PCM1: variants seen among roughly 807,000 people sequenced by gnomAD.
PCM1 encodes pericentriolar material 1.
In PCM1, 157 loss-of-function variants were observed where a neutral mutation model predicts 241.9. That is an observed-to-expected ratio of 0.65 (90% confidence interval 0.57 to 0.74). The LOEUF is 0.74. PCM1 is among the 30% of genes least tolerant of loss of function. The probability of loss-of-function intolerance (pLI) is 0.00; values close to 1 mark genes in which losing one functional copy is unlikely to be tolerated. For synonymous variants in PCM1, 1,085 were observed against 784.9 expected, an observed-to-expected ratio of 1.38 and a Z score of -6.39; for missense variants, 3,478 against 2,360.1, an observed-to-expected ratio of 1.47 and a Z score of -9.81.
intron 13 of PCM1, among the ~76,000 whole-genome samples, chr8:17,958,682 A>G (rs1292532025): frequency 6.6e-6 from 1 of 151,974 alleles, no homozygotes; most frequent in African/African-American, 2.4e-5. Context: ...CTCAAGTAAA[A>G]GGTGAGCGTG....
Position 17,972,698 on chromosome 8 carries a change from A to T in PCM1, c.3943+11A>T. The T allele has an allele frequency of 6.8e-7, 1 of 1,459,996 alleles. No homozygotes were observed. The highest frequency in any genetic ancestry group is 2.4e-5 in the East Asian group (1 of 41,940). 90.4% of individuals were successfully genotyped at this position (1,459,996 alleles called of 1,614,324 possible). On this transcript the variant is annotated intron_variant, in intron 23 of 38. Transcript: ENST00000325083. ...GAGTTAAAAACATCAGTAAGTGTTGAAATTTGTTGAATGTTGATCAGTGTA... is the reference window on the plus strand; with the variant it reads ...GAGTTAAAAACATCAGTAAGTGTTGTAATTTGTTGAATGTTGATCAGTGTA...
intron 1 of PCM1, among the ~76,000 whole-genome samples, chr8:17,923,460 C>G (rs911737675): frequency 6.6e-6 from 1 of 152,204 alleles, no homozygotes; most frequent in African/African-American, 2.4e-5. Context: ...GCCCCTCCTG[C>G]TGGCCCTGTC....
intron 23 of PCM1, among the ~76,000 whole-genome samples, chr8:17,977,457 G>C (rs959426522): frequency 1.3e-5 from 2 of 152,182 alleles, no homozygotes; most frequent in African/African-American, 4.8e-5. Flanking sequence ...AAAATTATTT[G>C]TTGTTAGTAG....
intron 9 of PCM1, among the ~76,000 whole-genome samples, chr8:17,954,395 C>G (rs1385297800): frequency 6.7e-6 from 1 of 149,216 alleles, no homozygotes; most frequent in African/African-American, 2.5e-5. Flanking sequence ...CCATTGCACT[C>G]CAGCCTGGGC....
intron 35 of PCM1, 64 bp downstream of exon 35, chr8:18,014,100 A>AG: frequency 2.4e-6 from 2 of 828,754 alleles, no homozygotes; most frequent in Non-Finnish European, 3.8e-6. Context: ...AAAGCTAAAA[A>AG]AAAAAAAAAA....
chr8:18,010,738 T>A (rs1180858504), intron 32 of PCM1, 70 bp downstream of exon 32: 5 of 1,049,078 alleles, frequency 4.8e-6, no homozygotes, highest in East Asian at 2.7e-5. Context: ...ATCGCAGCCC[T>A]TTGGGAGGCC....
intron 13 of PCM1, 89 bp downstream of exon 13, chr8:17,957,864 T>A: frequency 3.5e-6 from 3 of 850,784 alleles, no homozygotes; most frequent in Non-Finnish European, 5.6e-6. Flanking sequence ...TTGGTTTAAT[T>A]ATACTAATAC....
intron 15 of PCM1, among the ~76,000 whole-genome samples, chr8:17,960,825 T>C (rs539755752): frequency 1.3e-5 from 2 of 152,172 alleles, no homozygotes; most frequent in South Asian, 2.1e-4. Flanking sequence ...CTCTTTTTTT[T>C]CTAGTATTAA....
intron 2 of PCM1, among the ~76,000 whole-genome samples, chr8:17,928,718 G>A (rs927946548): frequency 4.4e-5 from 6 of 137,836 alleles, no homozygotes; most frequent in African/African-American, 1.6e-4. Flanking sequence ...TGTAACCTCT[G>A]CCTCCCGGGT....
intron 36 of PCM1, among the ~76,000 whole-genome samples, chr8:18,024,133 A>G (rs916984076): frequency 1.3e-5 from 2 of 152,196 alleles, no homozygotes; most frequent in African/African-American, 4.8e-5. Flanking sequence ...TTTCCAATCA[A>G]TGCTTTTGTT....
rs781386248 is a variant in PCM1 at position 17,964,778 on chromosome 8, A to G, written c.2855+10A>G. The G allele has an allele frequency of 8.1e-6, 13 of 1,595,986 alleles. No homozygotes were observed. Among genetic ancestry groups the G allele is most frequent in the African/African-American group, 2.7e-5 (2 of 74,564 alleles). Reference sequence around the variant, plus strand: ...AGGAAACTAAAAATAGGTTAGTTTCAGTATTTTAATTTTGTGCTTAATTTA... The same window carrying G: ...AGGAAACTAAAAATAGGTTAGTTTCGGTATTTTAATTTTGTGCTTAATTTA... On this transcript the variant is annotated intron_variant, in intron 18 of 38. Coordinates refer to ENST00000325083, the MANE Select transcript of PCM1 (RefSeq NM_006197.4).
At position 17,985,480 on chromosome 8, in the gene PCM1, T is replaced by C. The variant is rs764152649; in HGVS notation, c.4142T>C (p.Leu1381Ser). 5.8e-6 allele frequency: 9 copies of C among 1,563,252 alleles called. No individual in the cohort carries two copies. The African/African-American group carries it at 1.2e-4, about 21-fold the overall frequency. ...TGSDFSMFEA[L>S]RDTIYSEVAT... ...AGTGATTTTTCCATGTTTGAAGCTT[T>C]GCGAGATACTATTTATTCTGAAGTA... The change falls in exon 25 of 39, where the codon TTG (leucine) becomes TCG (serine). Residue 1381 changes from leucine to serine, a missense_variant. Coordinates refer to ENST00000325083, the MANE Select transcript of PCM1 (RefSeq NM_006197.4).
chr8:18,015,700 G>C (rs988467095), intron 36 of PCM1: 1 of 152,086 alleles, frequency 6.6e-6, no homozygotes, highest in Non-Finnish European at 1.5e-5. Flanking sequence ...TTGTGTCTCA[G>C]ATTTGTCTTT....
chr8:17,959,396 A>G (rs1397328284), intron 13 of PCM1, among the ~76,000 whole-genome samples: 1 of 152,058 alleles, frequency 6.6e-6, no homozygotes, highest in Non-Finnish European at 1.5e-5. Context: ...GACTTTAGTT[A>G]ATGTATAATA....
intron 16 of PCM1, among the ~76,000 whole-genome samples, chr8:17,962,641 C>T (rs570529007): frequency 1.3e-5 from 2 of 152,008 alleles, no homozygotes; most frequent in Non-Finnish European, 2.9e-5. Flanking sequence ...TGACTCACAC[C>T]TATAATCCCA....
At chr8:18,018,089 A>C (rs1247571777) in intron 36 of PCM1, among the ~76,000 whole-genome samples, 1 of 152,232 alleles carries the variant, frequency 6.6e-6, no homozygotes, top group Non-Finnish European at 1.5e-5. Context: ...TCACGTTTCC[A>C]ATCAAGTTCA....
chr8:17,966,975 T>C lies in PCM1; in HGVS notation c.3222-5T>C. 1 of 1,594,942 alleles carries C rather than the reference T, an allele frequency of 6.3e-7. No individual in the cohort carries two copies. Among genetic ancestry groups the C allele is most frequent in the Non-Finnish European group, 8.5e-7 (1 of 1,170,780 alleles). The stretch of plus-strand genomic sequence containing the variant: ...TTCTTAGATTACTGACTTAAATCTT[T>C]GTAGGTTGAAACAAATGCTAAATGA... On this transcript the variant is annotated splice_region_variant and splice_polypyrimidine_tract_variant and intron_variant, in intron 20 of 38. Transcript: ENST00000325083.
At position 17,969,867 on chromosome 8, in the gene PCM1, T is replaced by A. The variant is rs2285309; in HGVS notation, c.3584+119T>A. 1.3e-3 allele frequency: 968 copies of A among 749,652 alleles called. 8 individuals are homozygous for A. The East Asian group carries it at 0.02, about 16-fold the overall frequency. The allele number at this position is 749,652 out of a possible 1,614,324, so 46.4% of individuals were successfully genotyped here. On this transcript the variant is annotated intron_variant, in intron 22 of 38. Coordinates refer to ENST00000325083, the MANE Select transcript of PCM1 (RefSeq NM_006197.4). Reference sequence around the variant, plus strand: ...TTTGTGATGATTTGGCTTGATGATGTTGGAAATATGAAACTTTGACGTATC... The same window carrying A: ...TTTGTGATGATTTGGCTTGATGATGATGGAAATATGAAACTTTGACGTATC...
Position 18,027,640 on chromosome 8 carries a change from C to T in PCM1, c.6053C>T (p.Thr2018Met), listed in dbSNP as rs752526639. 4.5e-6 allele frequency: 7 copies of T among 1,572,484 alleles called. No homozygotes were observed. The highest frequency in any genetic ancestry group is 2.4e-5 in the South Asian group (2 of 84,712). Residue 2018 changes from threonine (T) to methionine (M), a missense_variant, in exon 39 of 39, where the codon ACG (threonine) becomes ATG (methionine). Transcript: ENST00000325083. ...GCATTTTTATTCTGTTTTTCAGAAA[C>T]GGTGGGAGCCCAGAGTATATGAGAT... ...GNSETLKEPE[T>M]VGAQSI
Sources: gnomAD v4.1 joint callset for allele counts (sites outside exome capture counted in the v4.1 genomes callset) on GRCh38, gnomAD v4.1.1 for gene constraint, MANE v1.5 for transcripts, NCBI Gene and HGNC (gene_info 2026-07-23, HGNC 2026-07-21) for gene names.